Variants in VPS16 observed in about 807,000 individuals in gnomAD.
VPS16 encodes vacuolar protein sorting-associated protein 16 homolog.
A neutral mutation model predicts 116.0 loss-of-function variants in VPS16; 82 were observed. The ratio of observed to expected loss-of-function variants is 0.71; its 90% CI spans 0.59 to 0.85. The LOEUF (loss-of-function observed/expected upper bound fraction) is 0.85. Ranked by LOEUF, VPS16 falls within the 40% of genes least tolerant of loss-of-function variation. VPS16 has a pLI of 0.00. For synonymous variants in VPS16, 406 were observed against 420.7 expected (o/e 0.96, Z 0.43); for missense variants, 928 against 1,090.6 (o/e 0.85, Z 2.10).
At chr20:2,846,443 G>C (rs891820629) in intron 1 of VPS16, among the ~76,000 whole-genome samples, 1 of 151,934 alleles carries the variant, frequency 6.6e-6, no homozygotes, top group African/African-American at 2.4e-5. Context: ...AATTATTTTG[G>C]GTATATATCC....
chr20:2,846,856 T>C (rs1456386447), intron 1 of VPS16, among the ~76,000 whole-genome samples: 4 of 152,206 alleles, frequency 2.6e-5, no homozygotes, highest in Admixed American at 1.3e-4. Flanking sequence ...AGGCTACCGG[T>C]ACCTCACTAC....
In VPS16 at chr20:2,860,324, A is replaced by G. The variant is rs1227712726; in HGVS notation, c.326A>G (p.Tyr109Cys). The stretch of plus-strand genomic sequence containing the variant: ...CAGGAAGATGGTGCTGTACTGGTTT[A>G]TGGGCTTCATGGTGACTTCCGGAGA... ...CVQEDGAVLV[Y>C]GLHGDFRRHF... The change falls in exon 4 of 24, where the codon TAT (tyrosine) becomes TGT (cysteine). Residue 109 changes from tyrosine to cysteine, a missense_variant. Physicochemically the swap from Tyr to Cys is radical, Grantham distance 194. Transcript: ENST00000380445. The surrounding 1 kb of genome is among the most constrained non-coding windows in gnomAD (Gnocchi z 6.1). 1 of 1,614,022 alleles carries G rather than the reference A, an allele frequency of 6.2e-7. No homozygotes were observed. Among genetic ancestry groups the G allele is most frequent in the South Asian group, 1.1e-5 (1 of 91,068 alleles).
Position 2,865,511 on chromosome 20 carries a change from C to A in VPS16, c.2271+16C>A. 1 of 1,609,286 alleles carries A rather than the reference C, an allele frequency of 6.2e-7. No individual in the cohort carries two copies. Among genetic ancestry groups the A allele is most frequent in the South Asian group, 1.1e-5 (1 of 90,464 alleles). ...TGGCTACCTGGTGAGGCAGGGTCCT[C>A]CCTCCAGCCCACTTCCAGTGAGGGT... On this transcript the variant is annotated intron_variant, in intron 22 of 23. Transcript: ENST00000380445. This position sits in a 1 kb window ranked among gnomAD's most constrained non-coding sequence, Gnocchi z 5.2.
chr20:2,846,986 C>T (rs1057408270), intron 1 of VPS16, among the ~76,000 whole-genome samples: 1 of 152,186 alleles, frequency 6.6e-6, no homozygotes, highest in South Asian at 2.1e-4. Flanking sequence ...GCCTTCCTCA[C>T]TAAGTGTGTG....
At position 2,864,480 on chromosome 20, in the gene VPS16, G is replaced by C. The variant is rs2089292358; in HGVS notation, c.1818+18G>C. 1 of 1,614,056 alleles carries C rather than the reference G, an allele frequency of 6.2e-7. No individual in the cohort carries two copies. The highest frequency in any genetic ancestry group is 1.7e-5 in the Admixed American group (1 of 59,998). On this transcript the variant is annotated intron_variant, in intron 18 of 23. Transcript: ENST00000380445. The surrounding 1 kb of genome is among the most constrained non-coding windows in gnomAD (Gnocchi z 5.2). The stretch of plus-strand genomic sequence containing the variant: ...ACCGACAGGTGTGTGTAGTGGGCAG[G>C]GTTGTGGTGTAGCCTTCTGAGCACT...
rs1357075488 is a variant in VPS16, at chr20:2,861,829, C to G, written c.924C>G (p.Tyr308Ter). Residue 308 changes from tyrosine (Y) to a stop codon, truncating the protein, a stop_gained, in exon 10 of 24, where the codon TAC becomes TAG. Coordinates refer to ENST00000380445, the MANE Select transcript of VPS16 (RefSeq NM_022575.4). LOFTEE classifies it high-confidence loss of function. Reference sequence around the variant, plus strand: ...GGTTTGTGCTGGATGAGGACTCCTACCTGGTGCCTGAGCTCGATGGGGTCC... The same window carrying G: ...GGTTTGTGCTGGATGAGGACTCCTAGCTGGTGCCTGAGCTCGATGGGGTCC... ...SIQFVLDEDS[Y>*]LVPELDGVRI... 1 of 1,614,000 alleles carries G rather than the reference C, an allele frequency of 6.2e-7. No individual in the cohort carries two copies. The highest frequency in any genetic ancestry group is 8.5e-7 in the Non-Finnish European group (1 of 1,179,978).
At chr20:2,849,201 G>T (rs2089091796) in intron 1 of VPS16, among the ~76,000 whole-genome samples, 1 of 152,188 alleles carries the variant, frequency 6.6e-6, no homozygotes, top group South Asian at 2.1e-4. Flanking sequence ...CATGAGAAAT[G>T]GTGTGTTGGG....
chr20:2,862,002 G>A lies in VPS16; in HGVS notation c.995-52G>A, dbSNP rs572681823. ...AGAGCAGGAATAGGGTGTTGAGGCA[G>A]GGCTGAGGGTTTCCCTGCCTTTCTC... is the stretch of plus-strand genomic sequence containing the variant. On this transcript the variant is annotated intron_variant, in intron 10 of 23. Coordinates refer to ENST00000380445, the MANE Select transcript of VPS16 (RefSeq NM_022575.4). 30 of 1,609,328 alleles carry A rather than the reference G, an allele frequency of 1.9e-5. No individual in the cohort carries two copies. The Admixed American group carries it at 3.7e-4, about 20-fold the overall frequency.
At chr20:2,841,232 AGG>A (rs2088969492) in intron 1 of VPS16, 1 of 222,508 alleles carries the variant, frequency 4.5e-6, no homozygotes, top group African/African-American at 2.3e-5. Context: ...GGCTGGGAAA[AGG>A]GGGCGAGTCG....
intron 1 of VPS16, among the ~76,000 whole-genome samples, chr20:2,842,158 C>G (rs982855283): frequency 1.3e-5 from 2 of 151,976 alleles, no homozygotes; most frequent in Non-Finnish European, 2.9e-5. Context: ...TTTACTGGGC[C>G]GAGCTTTGTG....
intron 1 of VPS16, among the ~76,000 whole-genome samples, chr20:2,851,675 C>A (rs1217198592): frequency 1.8e-4 from 26 of 145,854 alleles, no homozygotes; most frequent in Admixed American, 4.8e-4. Flanking sequence ...AAAAAAAAAA[C>A]AAAAAACACA....
chr20:2,866,072 G>T (rs2089336895), intron 22 of VPS16, 140 bp from the exon 23 acceptor site: 3 of 730,538 alleles, frequency 4.1e-6, no homozygotes, highest in Non-Finnish European at 4.7e-6. Context: ...GTGCATGGGG[G>T]TTGGGGGATT....
chr20:2,843,112 T>G (rs1223216152), intron 1 of VPS16, among the ~76,000 whole-genome samples: 1 of 152,194 alleles, frequency 6.6e-6, no homozygotes, highest in Admixed American at 6.5e-5. Context: ...GCATTTGTTG[T>G]TTATTTATAA....
rs759441645 is a variant in VPS16 at position 2,862,887 on chromosome 20, C to G, written c.1284C>G (p.Leu428=). The G allele has an allele frequency of 6.2e-7, 1 of 1,613,966 alleles. No individual in the cohort carries two copies. Among genetic ancestry groups the G allele is most frequent in the East Asian group, 2.2e-5 (1 of 44,892 alleles). The change falls in exon 13 of 24, where the codon CTC becomes CTG. Residue 428 remains leucine, a synonymous_variant. Transcript: ENST00000380445. ...FVHMCQDLRV[L]NAVRDYHIGI... is the part of the protein sequence containing the mutation. ...ACATGTGTCAGGACCTGCGTGTGCTCAATGCTGTTCGGGACTATCACATCG... is the reference window on the plus strand; with the variant it reads ...ACATGTGTCAGGACCTGCGTGTGCTGAATGCTGTTCGGGACTATCACATCG...
chr20:2,864,159 C>T lies in VPS16; in HGVS notation c.1612-20C>T, dbSNP rs1398238361. The T allele has an allele frequency of 1.9e-6, 3 of 1,614,140 alleles. No homozygotes were observed. Among genetic ancestry groups the T allele is most frequent in the South Asian group, 2.2e-5 (2 of 91,070 alleles). ...CCCATGCCAGCTCCTTCTCTCTGTGCCTTCCTTCTCACCTCACAGCTGCTG... is the reference window on the plus strand; with the variant it reads ...CCCATGCCAGCTCCTTCTCTCTGTGTCTTCCTTCTCACCTCACAGCTGCTG... On this transcript the variant is annotated intron_variant, in intron 16 of 23. Coordinates refer to ENST00000380445, the MANE Select transcript of VPS16 (RefSeq NM_022575.4). The surrounding 1 kb of genome is among the most constrained non-coding windows in gnomAD (Gnocchi z 5.2).
intron 1 of VPS16, among the ~76,000 whole-genome samples, chr20:2,844,738 A>T (rs1237601258): frequency 6.6e-6 from 1 of 152,150 alleles, no homozygotes; most frequent in South Asian, 2.1e-4. Flanking sequence ...GGATGAGTAG[A>T]TGTAGGTGCA....
intron 1 of VPS16, among the ~76,000 whole-genome samples, chr20:2,850,980 AAAAG>A (rs1247692618): frequency 0.021 from 3,166 of 150,522 alleles, 119 homozygotes; most frequent in African/African-American, 0.073. Flanking sequence ...AAAAAAAAAA[AAAAG>A]AAAAAGAATA....
chr20:2,850,556 G>A (rs2089107858), intron 1 of VPS16, among the ~76,000 whole-genome samples: 1 of 152,030 alleles, frequency 6.6e-6, no homozygotes. Context: ...AACCTGGGAG[G>A]TGGAGGTTGC....
chr20:2,863,823 G>GAGAAAGAA lies in VPS16; in HGVS notation c.1477-117_1477-110dup, dbSNP rs11473328. The GAGAAAGAA allele has an allele frequency of 4.1e-4, 482 of 1,178,064 alleles. 1 individual carries two copies. The highest frequency in any genetic ancestry group is 7.7e-4 in the Admixed American group (33 of 42,950). The allele number at this position is 1,178,064 out of a possible 1,614,324, so 73.0% of individuals were successfully genotyped here. A position where few individuals can be genotyped will look rare whatever the true frequency, so the allele number is the denominator to read the frequency against. ...GGGAAAGAGAGAGAAAGAAGAAAGA[G>GAGAAAGAA]AGAAAGAAAGAAAGAAGAAGGAAGG... On this transcript the variant is annotated intron_variant, in intron 15 of 23. Coordinates refer to ENST00000380445, the MANE Select transcript of VPS16 (RefSeq NM_022575.4). The surrounding 1 kb of genome is among the most constrained non-coding windows in gnomAD (Gnocchi z 4.4).
Sources: gnomAD v4.1 joint callset for allele counts (sites outside exome capture counted in the v4.1 genomes callset) on GRCh38, gnomAD v4.1.1 for gene constraint, Gnocchi (gnomAD v3.1) non-coding constraint, MANE v1.5 for transcripts, NCBI Gene and HGNC (gene_info 2026-07-23, HGNC 2026-07-21) for gene names.